KATNAL1: variants seen among roughly 807,000 people sequenced by gnomAD.
The protein encoded by KATNAL1 is katanin catalytic subunit A1 like 1.
In KATNAL1, 32 loss-of-function variants were observed where a neutral mutation model predicts 55.2. The observed-to-expected ratio is 0.58, with a 90% CI of 0.44 to 0.78. The LOEUF (loss-of-function observed/expected upper bound fraction) is 0.78, where lower values mean the gene tolerates loss of function less well. Among genes scored for constraint, KATNAL1 ranks in the 30% least tolerant of loss-of-function variants. The pLI, the probability that KATNAL1 is intolerant of heterozygous loss-of-function variation, is 0.00. For missense variants in KATNAL1, 466 were observed against 600.9 expected (o/e 0.78, Z 2.35); for synonymous variants, 193 against 193.6 (o/e 1.00, Z 0.02).
intron 1 of KATNAL1, among the ~76,000 whole-genome samples, chr13:30,287,771 T>G (rs1881887878): frequency 6.6e-6 from 1 of 152,178 alleles, no homozygotes. Context: ...AACAAAAGCA[T>G]AAATCCTACT....
chr13:30,255,744 G>A, intron 3 of KATNAL1, 129 bp from the exon 4 acceptor site: 3 of 901,830 alleles, frequency 3.3e-6, no homozygotes, highest in Non-Finnish European at 4.3e-6. Flanking sequence ...TTTCACCTTT[G>A]GCCAATTCAT....
intron 6 of KATNAL1, 147 bp downstream of exon 6, chr13:30,240,313 A>T: frequency 1.7e-6 from 1 of 595,526 alleles, no homozygotes. Flanking sequence ...CACAACTACA[A>T]ATTCAAATCC....
At chr13:30,266,460 T>C (rs993392819) in intron 3 of KATNAL1, among the ~76,000 whole-genome samples, 23 of 152,204 alleles carry the variant, frequency 1.5e-4, no homozygotes, top group African/African-American at 5.3e-4. Flanking sequence ...ATTACTTTTA[T>C]AAACATAATA....
At chr13:30,299,980 AACAC>A (rs143141264) in intron 1 of KATNAL1, among the ~76,000 whole-genome samples, 1 of 151,092 alleles carries the variant, frequency 6.6e-6, no homozygotes, top group South Asian at 2.1e-4. Flanking sequence ...CATCACCCAC[AACAC>A]ACACACACAC....
At chr13:30,265,474 G>A (rs963219235) in intron 3 of KATNAL1, among the ~76,000 whole-genome samples, 16 of 151,512 alleles carry the variant, frequency 1.1e-4, no homozygotes, top group Non-Finnish European at 2.2e-4. Flanking sequence ...GAAATATATT[G>A]AGCACCACAG....
At chr13:30,230,384 G>T in intron 8 of KATNAL1, 84 bp downstream of exon 8, 1 of 1,211,582 alleles carries the variant, frequency 8.3e-7, no homozygotes, top group Non-Finnish European at 1.1e-6. Flanking sequence ...AACTCAGGCT[G>T]CCTTCTAATC....
At position 30,268,126 on chromosome 13, in the gene KATNAL1, T is replaced by C. The variant is rs1389101302; in HGVS notation, c.323+11937A>G. Among the ~76,000 whole-genome samples, 7 of 151,450 alleles carry C rather than the reference T, an allele frequency of 4.6e-5. No individual in the cohort carries two copies. The East Asian group carries it at 1.3e-3, about 29-fold the overall frequency. ...TTTATGACTCAATTTTACACTACCT[T>C]AAGCAGAGAAAGTGGGCCTAAAAGT... On this transcript the variant is annotated intron_variant, in intron 3 of 10. Coordinates refer to ENST00000380615, the MANE Select transcript of KATNAL1 (RefSeq NM_032116.5).
chr13:30,211,040 T>TAG (rs1341487301), intron 9 of KATNAL1, among the ~76,000 whole-genome samples: 1 of 152,212 alleles, frequency 6.6e-6, no homozygotes, highest in Non-Finnish European at 1.5e-5. Context: ...TCAAACATAC[T>TAG]AGAGAATTTT....
At chr13:30,267,121 G>T (rs192218627) in intron 3 of KATNAL1, among the ~76,000 whole-genome samples, 2 of 152,254 alleles carry the variant, frequency 1.3e-5, no homozygotes, top group East Asian at 3.9e-4. Context: ...ATCACTGCCT[G>T]TATCTTGCTT....
intron 4 of KATNAL1, among the ~76,000 whole-genome samples, chr13:30,248,816 T>C (rs1447726850): frequency 3.3e-5 from 5 of 152,016 alleles, no homozygotes; most frequent in Admixed American, 3.3e-4. Flanking sequence ...TCCCAGCACT[T>C]TGGGAGGCCG....
intron 3 of KATNAL1, among the ~76,000 whole-genome samples, chr13:30,266,738 A>C (rs1467238536): frequency 2.6e-5 from 4 of 152,230 alleles, no homozygotes; most frequent in African/African-American, 9.6e-5. Flanking sequence ...CTTAATTTTA[A>C]ATCTCCCTGG....
chr13:30,276,636 A>C (rs1339377700), intron 3 of KATNAL1, among the ~76,000 whole-genome samples: 1 of 152,158 alleles, frequency 6.6e-6, no homozygotes, highest in African/African-American at 2.4e-5. Flanking sequence ...TACCTTTAAA[A>C]TATCAAAATT....
At chr13:30,220,005 T>G (rs1225853523) in intron 9 of KATNAL1, among the ~76,000 whole-genome samples, 1 of 152,296 alleles carries the variant, frequency 6.6e-6, no homozygotes, top group South Asian at 2.1e-4. Flanking sequence ...TAGTGAAGAA[T>G]TAAAGTTCAA....
chr13:30,273,968 C>A (rs1423535247), intron 3 of KATNAL1, among the ~76,000 whole-genome samples: 1 of 152,184 alleles, frequency 6.6e-6, no homozygotes, highest in Non-Finnish European at 1.5e-5. Flanking sequence ...CACCCATCTA[C>A]AAAATCGTAA....
chr13:30,299,866 A>G (rs1470015938), intron 1 of KATNAL1, among the ~76,000 whole-genome samples: 1 of 152,192 alleles, frequency 6.6e-6, no homozygotes, highest in Non-Finnish European at 1.5e-5. Context: ...CTGGTTCCAG[A>G]TAATTATTTT....
intron 2 of KATNAL1, among the ~76,000 whole-genome samples, chr13:30,281,181 CT>C (rs141780125): frequency 1.8e-4 from 25 of 141,910 alleles, no homozygotes; most frequent in Admixed American, 2.2e-4. Context: ...TTTAACAATT[CT>C]TTTTTTTTTA....
At chr13:30,216,331 G>A (rs1433303220) in intron 9 of KATNAL1, among the ~76,000 whole-genome samples, 1 of 152,162 alleles carries the variant, frequency 6.6e-6, no homozygotes. Context: ...AACACGCTGG[G>A]AGCTGCTGAG....
chr13:30,210,032 T>TGGGG (rs1873520755), intron 10 of KATNAL1, among the ~76,000 whole-genome samples: 1 of 152,162 alleles, frequency 6.6e-6, no homozygotes, highest in Non-Finnish European at 1.5e-5. Flanking sequence ...TCCACCCGCC[T>TGGGG]CGGCCTCCCA....
At chr13:30,214,114 T>C (rs898606433) in intron 9 of KATNAL1, among the ~76,000 whole-genome samples, 17 of 152,294 alleles carry the variant, frequency 1.1e-4, no homozygotes, top group African/African-American at 4.1e-4. Context: ...ATCACAAGCA[T>C]TCTTATACAC....
Sources: allele counts gnomAD v4.1 joint callset (sites outside exome capture counted in the v4.1 genomes callset), GRCh38; gene constraint gnomAD v4.1.1; transcripts MANE v1.5; gene names NCBI Gene and HGNC (gene_info 2026-07-23, HGNC 2026-07-21).